The following RIMS1 variants were observed in gnomAD, a reference collection of about 807,000 sequenced individuals.
RIMS1 encodes regulating synaptic membrane exocytosis 1, also known as regulating synaptic membrane exocytosis protein 1.
A neutral mutation model predicts 214.1 loss-of-function variants in RIMS1; 83 were observed. That is an observed-to-expected ratio of 0.39 (90% CI 0.32 to 0.47). The LOEUF (loss-of-function observed/expected upper bound fraction) is 0.47. Ranked by LOEUF, RIMS1 falls within the 20% of genes least tolerant of loss-of-function variation. The pLI, the probability that RIMS1 is intolerant of heterozygous loss-of-function variation, is 0.99. For synonymous variants in RIMS1, 793 were observed against 786.8 expected (o/e 1.01, Z -0.13); for missense variants, 2,050 against 2,161.8 (o/e 0.95, Z 1.03).
chr6:72,318,348 A>T (rs2095937801), intron 28 of RIMS1, among the ~76,000 whole-genome samples: 1 of 152,008 alleles, frequency 6.6e-6, no homozygotes, highest in Non-Finnish European at 1.5e-5. Flanking sequence ...ACTGGAAATT[A>T]TGCAGTTTCT....
intron 6 of RIMS1, among the ~76,000 whole-genome samples, chr6:72,213,825 T>TGTTA (rs1478057083): frequency 3.9e-5 from 6 of 152,208 alleles, no homozygotes; most frequent in Admixed American, 3.9e-4. Flanking sequence ...TTGCATTTGA[T>TGTTA]GTTAGGTTTT....
At chr6:72,381,559 A>G (rs904263836) in intron 29 of RIMS1, among the ~76,000 whole-genome samples, 4 of 152,258 alleles carry the variant, frequency 2.6e-5, no homozygotes, top group African/African-American at 9.6e-5. Flanking sequence ...AAATCTCTTT[A>G]CTTAAATATT....
chr6:72,015,378 A>T (rs1419737529), intron 2 of RIMS1, among the ~76,000 whole-genome samples: 2 of 152,120 alleles, frequency 1.3e-5, no homozygotes, highest in Non-Finnish European at 2.9e-5. Flanking sequence ...TATTGATCTT[A>T]TATTCATCAC....
intron 2 of RIMS1, among the ~76,000 whole-genome samples, chr6:72,000,653 G>A (rs1804886516): frequency 6.6e-6 from 1 of 152,074 alleles, no homozygotes. Flanking sequence ...AAGTCCTAAA[G>A]TTTGACTGCT....
chr6:72,301,448 G>GT (rs2094593441), intron 26 of RIMS1, among the ~76,000 whole-genome samples: 2 of 151,644 alleles, frequency 1.3e-5, no homozygotes, highest in African/African-American at 4.8e-5. Flanking sequence ...TTGGCCCACA[G>GT]TATCCATGGG....
At chr6:72,092,092 G>A (rs1836381741) in intron 2 of RIMS1, among the ~76,000 whole-genome samples, 1 of 152,124 alleles carries the variant, frequency 6.6e-6, no homozygotes, top group Non-Finnish European at 1.5e-5. Flanking sequence ...ATTTTATTAT[G>A]AGGACAGCAT....
At chr6:72,047,945 G>A (rs1185729599) in intron 2 of RIMS1, among the ~76,000 whole-genome samples, 1 of 152,034 alleles carries the variant, frequency 6.6e-6, no homozygotes. Flanking sequence ...AAGTAGTAAT[G>A]GATTCAAACC....
At chr6:71,907,251 A>T (rs1243015348) in intron 1 of RIMS1, among the ~76,000 whole-genome samples, 1 of 152,166 alleles carries the variant, frequency 6.6e-6, no homozygotes, top group Non-Finnish European at 1.5e-5. Context: ...ATAATCTCAT[A>T]TGAATGCATG....
intron 4 of RIMS1, among the ~76,000 whole-genome samples, chr6:72,117,008 T>C (rs140912763): frequency 5.9e-5 from 9 of 152,014 alleles, no homozygotes; most frequent in African/African-American, 2.2e-4. Flanking sequence ...GAAAATTGAG[T>C]CACAACCCAA....
At chr6:72,167,920 A>G (rs2046492108) in intron 4 of RIMS1, among the ~76,000 whole-genome samples, 1 of 149,874 alleles carries the variant, frequency 6.7e-6, no homozygotes, top group Admixed American at 6.6e-5. Context: ...TTTTTAGTTT[A>G]TATTTCATTT....
At chr6:72,398,589 G>A (rs545993428) in intron 32 of RIMS1, among the ~76,000 whole-genome samples, 6 of 151,838 alleles carry the variant, frequency 4.0e-5, no homozygotes, top group East Asian at 1.9e-4. Context: ...AGTTATGGTC[G>A]TTTCTTAGCT....
chr6:72,263,757 A>G (rs1464925772), intron 19 of RIMS1: 13 of 970,272 alleles, frequency 1.3e-5, no homozygotes, highest in Non-Finnish European at 1.3e-5. Flanking sequence ...TGAGGTCAGG[A>G]GTTTGAGACC....
chr6:72,008,799 T>A (rs1808967689), intron 2 of RIMS1, among the ~76,000 whole-genome samples: 1 of 152,152 alleles, frequency 6.6e-6, no homozygotes, highest in Non-Finnish European at 1.5e-5. Context: ...ATGCATGCAA[T>A]ACAGGAGCAC....
chr6:72,039,881 C>T (rs751488780), intron 2 of RIMS1, among the ~76,000 whole-genome samples: 6 of 151,980 alleles, frequency 3.9e-5, no homozygotes, highest in Non-Finnish European at 7.4e-5. Context: ...ATTAATATGG[C>T]ATTCTTTGGT....
intron 1 of RIMS1, among the ~76,000 whole-genome samples, chr6:71,891,139 T>G (rs1769731555): frequency 8.0e-6 from 1 of 125,074 alleles, no homozygotes; most frequent in East Asian, 2.4e-4. Context: ...GCTTCACCTA[T>G]ACTCTTTCAT....
chr6:72,068,547 CTA>C (rs1829848319), intron 2 of RIMS1, among the ~76,000 whole-genome samples: 1 of 152,066 alleles, frequency 6.6e-6, no homozygotes. Flanking sequence ...CAGTTCAAAG[CTA>C]TGAGAAGATT....
intron 2 of RIMS1, among the ~76,000 whole-genome samples, chr6:71,974,007 T>TG (rs1796542699): frequency 1.3e-5 from 2 of 152,078 alleles, no homozygotes; most frequent in Non-Finnish European, 2.9e-5. Context: ...GTGGCATATC[T>TG]GGGGAGGTGT....
chr6:72,124,406 A>AT (rs1240876061), intron 4 of RIMS1, among the ~76,000 whole-genome samples: 1 of 151,414 alleles, frequency 6.6e-6, no homozygotes, highest in African/African-American at 2.4e-5. Flanking sequence ...GCCCTCAAGG[A>AT]TTTTTCCTTC....
At position 72,248,052 on chromosome 6, in the gene RIMS1, T is replaced by C. The variant is rs1324221824; in HGVS notation, c.2166T>C (p.Pro722=). 7.4e-6 allele frequency: 12 copies of C among 1,613,224 alleles called. No individual in the cohort carries two copies. The highest frequency in any genetic ancestry group is 9.3e-6 in the Non-Finnish European group (11 of 1,179,482). Residue 722 remains proline, a synonymous_variant, in exon 12 of 34, where the codon CCT becomes CCC. Coordinates refer to ENST00000521978, the MANE Select transcript of RIMS1 (RefSeq NM_014989.7). ...TTGAATCTCAGAAGATGGAAAGGCC[T>C]TCCATTTCTGTTATTTCTCCAACAA... The part of the protein sequence containing the change: ...SSFESQKMER[P]SISVISPTSP...
Sources: allele counts gnomAD v4.1 joint callset (sites outside exome capture counted in the v4.1 genomes callset), GRCh38; gene constraint gnomAD v4.1.1; transcripts MANE v1.5; gene names NCBI Gene and HGNC (gene_info 2026-07-23, HGNC 2026-07-21).